The following SNX10 variants were observed in gnomAD, a reference collection of about 807,000 sequenced individuals.
SNX10 encodes the protein sorting nexin 10.
A neutral mutation model predicts 28.5 loss-of-function variants in SNX10; 25 were observed. That is an observed-to-expected ratio of 0.88 (90% CI 0.64 to 1.22). The LOEUF (loss-of-function observed/expected upper bound fraction) is 1.22, where lower values mean the gene tolerates loss of function less well. Ranked by LOEUF, SNX10 falls within the 50% of genes most tolerant of loss-of-function variation. The pLI is 0.00. For missense variants in SNX10, 223 were observed against 242.6 expected (o/e 0.92, Z 0.54); for synonymous variants, 62 against 81.4 (o/e 0.76, Z 1.28).
intron 1 of SNX10, among the ~76,000 whole-genome samples, chr7:26,316,225 A>G (rs991707021): frequency 6.6e-6 from 1 of 151,266 alleles, no homozygotes; most frequent in Non-Finnish European, 1.5e-5. Context: ...AAAAAATGGG[A>G]TCTCATTTCC....
At chr7:26,296,886 G>T (rs910438870) in intron 1 of SNX10, among the ~76,000 whole-genome samples, 2 of 152,156 alleles carry the variant, frequency 1.3e-5, no homozygotes, top group Admixed American at 6.5e-5. Context: ...ACTATGAATA[G>T]AAAGTCGAGA....
chr7:26,334,573 T>C (rs370453770), intron 1 of SNX10, among the ~76,000 whole-genome samples: 66 of 152,340 alleles, frequency 4.3e-4, no homozygotes, highest in African/African-American at 1.5e-3. Flanking sequence ...GTAATTTTTT[T>C]TGTTTCTTGG....
At chr7:26,329,102 C>G (rs1023771981) in intron 1 of SNX10, among the ~76,000 whole-genome samples, 1 of 152,220 alleles carries the variant, frequency 6.6e-6, no homozygotes, top group Non-Finnish European at 1.5e-5. Flanking sequence ...AAACATAAGT[C>G]AGGTTAGGTC....
Position 26,361,066 on chromosome 7 carries a change from G to C in SNX10, c.111+5G>C, listed in dbSNP as rs1434471678. 1.9e-6 allele frequency: 3 copies of C among 1,591,726 alleles called. No homozygotes were observed. The highest frequency in any genetic ancestry group is 2.6e-6 in the Non-Finnish European group (3 of 1,166,350). ...GACTATGAGATATGTATTCATGTAA[G>C]TATGTAGTCAGTAGAAATAGTAATT... On this transcript the variant is annotated splice_donor_5th_base_variant and intron_variant, in intron 3 of 6. Transcript: ENST00000338523.
At position 26,364,090 on chromosome 7, in the gene SNX10, A is replaced by G. The variant is rs185703428; in HGVS notation, c.112-445A>G. 2.0e-3 allele frequency among the ~76,000 whole-genome samples: 303 copies of G among 152,308 alleles called. 2 individuals are homozygous for G. The highest frequency in any genetic ancestry group is 3.4e-3 in the Middle Eastern group (1 of 294). On this transcript the variant is annotated intron_variant, in intron 3 of 6. Coordinates refer to ENST00000338523, the MANE Select transcript of SNX10 (RefSeq NM_013322.3). The surrounding 1 kb of genome is among the most constrained non-coding windows in gnomAD (Gnocchi z 4.9). ...GCAGGGTGGCCATGTCAAGGAGATG[A>G]AGATTTCTGCAATGTCTCATAAAGG...
chr7:26,369,548 G>C (rs1053161056), intron 5 of SNX10, among the ~76,000 whole-genome samples: 1 of 152,056 alleles, frequency 6.6e-6, no homozygotes, highest in Non-Finnish European at 1.5e-5. Context: ...CATGAATTTA[G>C]CCAGAGAAAC....
At chr7:26,328,979 G>A (rs889079493) in intron 1 of SNX10, among the ~76,000 whole-genome samples, 1 of 152,112 alleles carries the variant, frequency 6.6e-6, no homozygotes, top group African/African-American at 2.4e-5. Flanking sequence ...TTCTCAGTCT[G>A]GACCACCATC....
intron 1 of SNX10, among the ~76,000 whole-genome samples, chr7:26,316,527 G>T (rs1311158061): frequency 6.6e-6 from 1 of 152,108 alleles, no homozygotes. Flanking sequence ...CTGTAGTTCT[G>T]TTTTTTGGTT....
At chr7:26,367,569 C>G (rs1183263933) in intron 5 of SNX10, among the ~76,000 whole-genome samples, 1 of 152,166 alleles carries the variant, frequency 6.6e-6, no homozygotes. Context: ...CTGAGCTCTG[C>G]GGCCCCTGCT....
rs35934277 is a variant in SNX10, at chr7:26,301,419, A to G, written c.-24+9333A>G. On this transcript the variant is annotated intron_variant, in intron 1 of 6. Coordinates refer to ENST00000338523, the MANE Select transcript of SNX10 (RefSeq NM_013322.3). The stretch of plus-strand genomic sequence containing the variant: ...TAGATTCAGGCTGGAAATGCCTACT[A>G]AATTCCTAATAGCTTCCAAGGTGCT... Among the ~76,000 whole-genome samples, 867 of 152,286 alleles carry G rather than the reference A, an allele frequency of 5.7e-3. 4 individuals are homozygous for G. Among genetic ancestry groups the G allele is most frequent in the Non-Finnish European group, 8.8e-3 (600 of 68,022 alleles).
At chr7:26,367,396 T>C (rs1011502760) in intron 5 of SNX10, among the ~76,000 whole-genome samples, 8 of 152,192 alleles carry the variant, frequency 5.3e-5, no homozygotes, top group African/African-American at 1.9e-4. Flanking sequence ...AATCATGGAA[T>C]TGGCAGGGGG....
chr7:26,371,576 A>G (rs560079202), intron 5 of SNX10, among the ~76,000 whole-genome samples: 20 of 152,150 alleles, frequency 1.3e-4, no homozygotes, highest in Non-Finnish European at 7.4e-5. Flanking sequence ...ATGTCCTTGA[A>G]GTTATTCTTT....
At chr7:26,359,922 C>G (rs1399716131) in intron 2 of SNX10, among the ~76,000 whole-genome samples, 1 of 152,172 alleles carries the variant, frequency 6.6e-6, no homozygotes, top group Admixed American at 6.5e-5. Flanking sequence ...TCCCAAAGTG[C>G]TGGGATTACA....
At chr7:26,327,017 C>T (rs553495397) in intron 1 of SNX10, among the ~76,000 whole-genome samples, 7 of 145,152 alleles carry the variant, frequency 4.8e-5, no homozygotes, top group East Asian at 2.1e-4. Context: ...AAGGTGTGAT[C>T]GCAGCTCACT....
chr7:26,365,105 G>A lies in SNX10; in HGVS notation c.271G>A (p.Val91Met), dbSNP rs1048719660. ...TTTCAACATGAACAATCGCCAGCAC[G>A]TGGATCAGCGTCGCCAGGGTCTGGA... ...LFFNMNNRQH[V>M]DQRRQGLEDF... The change falls in exon 5 of 7, where the codon GTG becomes ATG. Residue 91 changes from valine to methionine, a missense_variant. Physicochemically the swap from Val to Met is conservative, Grantham distance 21. Coordinates refer to ENST00000338523, the MANE Select transcript of SNX10 (RefSeq NM_013322.3). The A allele has an allele frequency of 2.5e-6, 4 of 1,613,118 alleles. No homozygotes were observed. In the African/African-American group the frequency reaches 4.0e-5, roughly 16 times the overall value.
rs747209790 is a variant in SNX10 at position 26,364,489 on chromosome 7, A to AT, written c.112-39dup. On this transcript the variant is annotated intron_variant, in intron 3 of 6. Coordinates refer to ENST00000338523, the MANE Select transcript of SNX10 (RefSeq NM_013322.3). The surrounding 1 kb of genome is among the most constrained non-coding windows in gnomAD (Gnocchi z 4.9). ...TGTGAATTATAGATACAAGAAATGC[A>AT]TTTTTTTCCTCAGGTAAGACTCATT... is the stretch of plus-strand genomic sequence containing the variant. 2.4e-5 allele frequency: 37 copies of AT among 1,560,016 alleles called. No homozygotes were observed. In the East Asian group the frequency reaches 4.5e-4, roughly 19 times the overall value.
At chr7:26,327,726 C>CTTTTCT (rs1347810887) in intron 1 of SNX10, among the ~76,000 whole-genome samples, 8 of 89,102 alleles carry the variant, frequency 9.0e-5, no homozygotes, top group African/African-American at 3.0e-4. Context: ...GCATTCTTTT[C>CTTTTCT]TTTTTTTTTT....
rs565415481 is a variant in SNX10 at position 26,356,813 on chromosome 7, A to G, written c.25-4162A>G. Among the ~76,000 whole-genome samples the G allele has an allele frequency of 2.6e-5, 4 of 152,256 alleles. No homozygotes were observed. The South Asian group carries it at 6.2e-4, about 24-fold the overall frequency. ...CAGTTTGTTCTCCCAGATCTTAAAC[A>G]TTGCTCTTGGATCCTTATGCTGTTA... On this transcript the variant is annotated intron_variant, in intron 2 of 6. Transcript: ENST00000338523.
At chr7:26,334,988 C>CT (rs1787869909) in intron 1 of SNX10, among the ~76,000 whole-genome samples, 1 of 152,254 alleles carries the variant, frequency 6.6e-6, no homozygotes, top group African/African-American at 2.4e-5. Context: ...TGGTGCAGCT[C>CT]TAATTTCTTT....
Sources: gnomAD v4.1 joint callset for allele counts (sites outside exome capture counted in the v4.1 genomes callset) on GRCh38, gnomAD v4.1.1 for gene constraint, Gnocchi (gnomAD v3.1) non-coding constraint, MANE v1.5 for transcripts, NCBI Gene and HGNC (gene_info 2026-07-23, HGNC 2026-07-21) for gene names.